SPTBN5: variants seen among roughly 807,000 people sequenced by gnomAD.
SPTBN5 encodes the protein spectrin beta chain, non-erythrocytic 5.
A neutral mutation model predicts 477.6 loss-of-function variants in SPTBN5; 513 were observed. The ratio of observed to expected loss-of-function variants is 1.07; its 90% CI spans 1.00 to 1.16. The LOEUF is 1.16. Ranked by LOEUF, SPTBN5 falls within the 50% of genes most tolerant of loss-of-function variation. The pLI is 0.00. For missense variants in SPTBN5, 5,062 were observed against 4,731.8 expected, an observed-to-expected ratio of 1.07 and a Z score of -2.05; for synonymous variants, 2,169 against 2,011.7, an observed-to-expected ratio of 1.08 and a Z score of -2.09.
chr15:41,848,616 T>G lies in SPTBN5; in HGVS notation c.11025A>C (p.Ter3675CysextTer18), dbSNP rs371907105. The stretch of plus-strand genomic sequence containing the variant: ...GTTTGGTGTTGCACTGGGGTTCACC[T>G]CAGGGATCAGACCTGTTGGGAAAAC... ...RPGCLLRSDP[*>C] The change falls in exon 68 of 68, where the codon TGA becomes TGC. Residue 3675 changes from the stop codon to cysteine, a stop_lost. Coordinates refer to ENST00000320955, the MANE Select transcript of SPTBN5 (RefSeq NM_016642.4). 2.4e-5 allele frequency: 38 copies of G among 1,613,796 alleles called. No homozygotes were observed. The highest frequency in any genetic ancestry group is 3.2e-5 in the Non-Finnish European group (38 of 1,179,832).
Position 41,871,530 on chromosome 15 carries a change from G to A in SPTBN5, c.5302-10C>T. The A allele has an allele frequency of 6.8e-7, 1 of 1,466,584 alleles. No individual in the cohort carries two copies. The highest frequency in any genetic ancestry group is 9.1e-7 in the Non-Finnish European group (1 of 1,102,812). 90.8% of individuals were successfully genotyped at this position (1,466,584 alleles called of 1,614,324 possible). ...ACTTGGTGCAGAGGTGCTGAGAAGA[G>A]GGGAGTGGGTGACAGGGTAGCCCCC... On this transcript the variant is annotated splice_polypyrimidine_tract_variant and intron_variant, in intron 28 of 67. Transcript: ENST00000320955.
In SPTBN5 at chr15:41,882,629, C is replaced by A. The variant is rs1387095909; in HGVS notation, c.2002G>T (p.Gly668Cys). The change falls in exon 10 of 68, where the codon GGC (glycine) becomes TGC (cysteine). Residue 668 changes from glycine (G) to cysteine (C), a missense_variant. By Grantham distance (159) the Gly-to-Cys change is radical. Transcript: ENST00000320955. ...CGQRVGNAAL[G>C]RDLSQIAGAL... ...CCTGCGATCTGGCTGAGATCCCGGC[C>A]CAGGGCCGCATTCCCCACCCGCTGT... The A allele has an allele frequency of 6.2e-7, 1 of 1,607,316 alleles. No individual in the cohort carries two copies. Among genetic ancestry groups the A allele is most frequent in the Non-Finnish European group, 8.5e-7 (1 of 1,177,764 alleles).
intron 20 of SPTBN5, 119 bp downstream of exon 20, chr15:41,876,429 G>T: frequency 7.5e-7 from 1 of 1,336,982 alleles, no homozygotes; most frequent in African/African-American, 1.4e-5. Flanking sequence ...CACAGAAGGT[G>T]TTGAGAGGAT....
chr15:41,879,756 G>A lies in SPTBN5; in HGVS notation c.2920C>T (p.Gln974Ter), dbSNP rs768066132. The A allele has an allele frequency of 1.2e-6, 2 of 1,613,972 alleles. No homozygotes were observed. Among genetic ancestry groups the A allele is most frequent in the Non-Finnish European group, 1.7e-6 (2 of 1,179,892 alleles). Residue 974 changes from glutamine to a stop codon, truncating the protein, a stop_gained, in exon 15 of 68, where the codon CAG becomes TAG. Transcript: ENST00000320955. LOFTEE classifies it high-confidence loss of function. ...YPGNSTQIQRQQEELSQRWGQ... is the reference protein window; with the variant it reads ...YPGNSTQIQR ...CACCTCTGGCTCAGTTCCTCCTGCT[G>A]TCGTTGGATTTGTGTGGAGTTCCCA...
chr15:41,868,158 G>C lies in SPTBN5; in HGVS notation c.6118C>G (p.Arg2040Gly), dbSNP rs542546104. ...QRDQVYQTWARKQERLQAEQQ... is the reference protein window; with the variant it reads ...QRDQVYQTWAGKQERLQAEQQ... ...TCGGCCTGCAGCCTCTCTTGCTTCC[G>C]TGCCCAGGTCTGATACACCTGGTCC... The change falls in exon 34 of 68, where the codon CGG becomes GGG. Residue 2040 changes from arginine (R) to glycine (G), a missense_variant. Arg to Gly is a moderately radical substitution (Grantham distance 125). Coordinates refer to ENST00000320955, the MANE Select transcript of SPTBN5 (RefSeq NM_016642.4). 1.9e-6 allele frequency: 3 copies of C among 1,589,428 alleles called. No individual in the cohort carries two copies. Among genetic ancestry groups the C allele is most frequent in the Admixed American group, 3.5e-5 (2 of 56,392 alleles).
Position 41,857,225 on chromosome 15 carries a change from C to T in SPTBN5, c.8621+13G>A, listed in dbSNP as rs988129563. The T allele has an allele frequency of 3.9e-5, 62 of 1,577,868 alleles. No individual in the cohort carries two copies. The highest frequency in any genetic ancestry group is 5.4e-5 in the African/African-American group (4 of 74,356). On this transcript the variant is annotated intron_variant, in intron 51 of 67. Coordinates refer to ENST00000320955, the MANE Select transcript of SPTBN5 (RefSeq NM_016642.4). The stretch of plus-strand genomic sequence containing the variant: ...AGGCAGGGAAGAGAAGCTGAGGGCA[C>T]GGGTGGATCTACCTCTGAAGCAGCC...
In SPTBN5 at chr15:41,885,732, C is replaced by A; in HGVS notation, c.1520+3G>T. ...TGGGGAGAGTTCATGTGCTGGGGCT[C>A]ACCTGCGGGCCACATCTGCCCAGCT... On this transcript the variant is annotated splice_donor_region_variant and intron_variant, in intron 7 of 67. Transcript: ENST00000320955. 2 of 1,551,684 alleles carry A rather than the reference C, an allele frequency of 1.3e-6. No individual in the cohort carries two copies. The highest frequency in any genetic ancestry group is 2.4e-5 in the South Asian group (2 of 84,052).
At position 41,855,549 on chromosome 15, in the gene SPTBN5, C is replaced by A. The variant is rs1287900953; in HGVS notation, c.9218G>T (p.Ser3073Ile). 2 of 1,608,178 alleles carry A rather than the reference C, an allele frequency of 1.2e-6. No homozygotes were observed. Among genetic ancestry groups the A allele is most frequent in the African/African-American group, 1.3e-5 (1 of 74,890 alleles). ...CGCGGATGGTGTGGCTTCCGCCCAC[C>A]TTTCTGGGTTCTTCCTGCTCTCCAG... ...ALLESRKNPESPKVLAQLQAV... is the reference protein window; with the variant it reads ...ALLESRKNPEIPKVLAQLQAV... The change falls in exon 54 of 68, where the codon AGC becomes ATC. Residue 3073 changes from serine (S) to isoleucine (I), a missense_variant and splice_region_variant. By Grantham distance (142) the Ser-to-Ile change is moderately radical. Transcript: ENST00000320955.
chr15:41,891,010 T>C (rs191560926), intron 3 of SPTBN5, among the ~76,000 whole-genome samples: 1 of 152,314 alleles, frequency 6.6e-6, no homozygotes, highest in African/African-American at 2.4e-5. Flanking sequence ...TGTCTGAAAG[T>C]ATTCTCCCAG....
At chr15:41,852,390 T>TC (rs1180792849) in intron 61 of SPTBN5, 74 bp from the exon 62 acceptor site, 6 of 1,486,348 alleles carry the variant, frequency 4.0e-6, no homozygotes, top group Non-Finnish European at 5.4e-6. Flanking sequence ...CCCGTCTACC[T>TC]CCCCTCCCCC....
At chr15:41,882,795 G>C in intron 9 of SPTBN5, 57 bp from the exon 10 acceptor site, 1 of 1,569,392 alleles carries the variant, frequency 6.4e-7, no homozygotes, top group Non-Finnish European at 8.7e-7. Flanking sequence ...ATGGGCAGTG[G>C]GTTCCCCTCC....
At chr15:41,865,254 C>T (rs994982572) in intron 39 of SPTBN5, among the ~76,000 whole-genome samples, 1 of 152,086 alleles carries the variant, frequency 6.6e-6, no homozygotes, top group Non-Finnish European at 1.5e-5. Context: ...GGTGAGAAGA[C>T]GCTGAGACGC....
chr15:41,855,895 TGGTC>T, intron 53 of SPTBN5, 150 bp from the exon 54 acceptor site: 2 of 803,842 alleles, frequency 2.5e-6, no homozygotes, highest in Non-Finnish European at 3.8e-6. Flanking sequence ...CAGCCTCATC[TGGTC>T]CGGAACACAG....
chr15:41,858,991 G>T lies in SPTBN5; in HGVS notation c.7989-11C>A. Reference sequence around the variant, plus strand: ...AAGAGCGCCTCCTTCCTGCCAGGAGGAGAGGCTCATGGGCCTGGAGCCACC... The same window carrying T: ...AAGAGCGCCTCCTTCCTGCCAGGAGTAGAGGCTCATGGGCCTGGAGCCACC... On this transcript the variant is annotated splice_polypyrimidine_tract_variant and intron_variant, in intron 47 of 67. Transcript: ENST00000320955. The T allele has an allele frequency of 1.3e-6, 2 of 1,532,304 alleles. No homozygotes were observed. The highest frequency in any genetic ancestry group is 8.8e-7 in the Non-Finnish European group (1 of 1,139,710). 94.9% of individuals were successfully genotyped at this position (1,532,304 alleles called of 1,614,324 possible).
Position 41,861,852 on chromosome 15 carries a change from C to T in SPTBN5, c.7620G>A (p.Gly2540=), listed in dbSNP as rs773695945. Residue 2540 remains glycine, a synonymous_variant, in exon 45 of 68, where the codon GGG becomes GGA. Transcript: ENST00000320955. ...RSTGQQLLTA[G]HPFSSDIRQV... ...GGCGAATGTCGGAGCTGAAGGGGTG[C>T]CCCGCTGTGAGCAGTTGCTGCCCAG... 3.1e-6 allele frequency: 5 copies of T among 1,607,558 alleles called. No individual in the cohort carries two copies. The highest frequency in any genetic ancestry group is 1.7e-6 in the Non-Finnish European group (2 of 1,179,322).
At position 41,857,250 on chromosome 15, in the gene SPTBN5, C is replaced by T. The variant is rs968314049; in HGVS notation, c.8609G>A (p.Arg2870Gln). 22 of 1,583,340 alleles carry T rather than the reference C, an allele frequency of 1.4e-5. No individual in the cohort carries two copies. Among genetic ancestry groups the T allele is most frequent in the African/African-American group, 2.7e-5 (2 of 74,462 alleles). Residue 2870 changes from arginine to glutamine, a missense_variant, in exon 51 of 68, where the codon CGG becomes CAG. By Grantham distance (43) the Arg-to-Gln change is conservative. Transcript: ENST00000320955. ...LAQDVEEQAR[R>Q]LLQRFKSLRE... ...CGGGTGGATCTACCTCTGAAGCAGC[C>T]GCCGGGCCTGCTCTTCCACATCTTG...
intron 66 of SPTBN5, chr15:41,850,391 CTCTATATAT>C (rs1406067384): frequency 1.3e-5 from 3 of 238,094 alleles, no homozygotes; most frequent in Non-Finnish European, 2.5e-5. Context: ...AAAGGGTTGT[CTCTATATAT>C]TCCTCCAAGT....
rs369069528 is a variant in SPTBN5, at chr15:41,867,532, C to T, written c.6312+6G>A. On this transcript the variant is annotated splice_donor_region_variant and intron_variant, in intron 35 of 67. Transcript: ENST00000320955. ...TGACCACGCCCAGGCCTCCTGACTC[C>T]ATTACCTTCTTGTCCTGGGCAGTCA... 1.2e-5 allele frequency: 20 copies of T among 1,613,392 alleles called. No homozygotes were observed. Among genetic ancestry groups the T allele is most frequent in the Non-Finnish European group, 1.7e-5 (20 of 1,179,546 alleles).
rs142529799 is a variant in SPTBN5 at position 41,855,735 on chromosome 15, G to A, written c.9032C>T (p.Ala3011Val). Residue 3011 changes from alanine (A) to valine (V), a missense_variant, in exon 54 of 68, where the codon GCG (alanine) becomes GTG (valine). Ala to Val is a moderately conservative substitution (Grantham distance 64). Transcript: ENST00000320955. ...GCCCCGCTCAGCCAGCCAGGATCCCGCCTCCAGGAGCTGGGGGTGACAGAG... is the reference window on the plus strand; with the variant it reads ...GCCCCGCTCAGCCAGCCAGGATCCCACCTCCAGGAGCTGGGGGTGACAGAG... ...AQQFLTELLEAGSWLAERGHV... is the reference protein window; with the variant it reads ...AQQFLTELLEVGSWLAERGHV... 1.3e-4 allele frequency: 200 copies of A among 1,580,398 alleles called. 2 individuals carry two copies. In the East Asian group the frequency reaches 3.4e-3, roughly 27 times the overall value.
Sources: allele counts gnomAD v4.1 joint callset (sites outside exome capture counted in the v4.1 genomes callset), GRCh38; gene constraint gnomAD v4.1.1; transcripts MANE v1.5; gene names NCBI Gene and HGNC (gene_info 2026-07-23, HGNC 2026-07-21).